The following GPR142 variants were observed in gnomAD, a reference collection of about 807,000 sequenced individuals.
The protein encoded by GPR142 is G protein-coupled receptor 142.
In GPR142, 9 loss-of-function variants were observed where a neutral mutation model predicts 10.6. The observed-to-expected ratio is 0.85, with a 90% CI of 0.51 to 1.48. GPR142 has a LOEUF of 1.48. Among genes scored for constraint, GPR142 ranks in the 40% most tolerant of loss-of-function variants. The probability of loss-of-function intolerance (pLI) is 0.00; values close to 1 mark genes in which losing one functional copy is unlikely to be tolerated. For missense variants in GPR142, 482 were observed against 506.0 expected (o/e 0.95, Z 0.45); for synonymous variants, 202 against 221.2 (o/e 0.91, Z 0.77).
chr17:74,370,245 T>A (rs1598410087), intron 2 of GPR142, among the ~76,000 whole-genome samples: 1 of 152,062 alleles, frequency 6.6e-6, no homozygotes, highest in Admixed American at 6.5e-5. Context: ...GGAGGACCCA[T>A]GGGGAGCAAT....
chr17:74,367,529 G>T lies in GPR142; in HGVS notation c.-339G>T. The T allele has an allele frequency of 6.2e-7, 1 of 1,614,108 alleles. No homozygotes were observed. The highest frequency in any genetic ancestry group is 2.2e-5 in the East Asian group (1 of 44,882). Reference sequence around the variant, plus strand: ...CAATGAGTATTATGATGTTGCCCATGGAGCAAAAGATCCAGTGGGTCCCCA... The same window carrying T: ...CAATGAGTATTATGATGTTGCCCATTGAGCAAAAGATCCAGTGGGTCCCCA... On this transcript the variant is annotated 5_prime_UTR_variant, in exon 1 of 4. An upstream start codon of the reference 5' UTR is lost. Transcript: ENST00000582579.
In GPR142 at chr17:74,370,642, C is replaced by T; in HGVS notation, c.216C>T (p.Val72=). The T allele has an allele frequency of 6.2e-7, 1 of 1,614,034 alleles. No individual in the cohort carries two copies. The highest frequency in any genetic ancestry group is 1.7e-5 in the Admixed American group (1 of 60,004). The change falls in exon 3 of 4, where the codon GTC becomes GTT. Residue 72 remains valine (V), a synonymous_variant. Coordinates refer to ENST00000582579, the MANE Select transcript of GPR142 (RefSeq NM_001331076.1). ...CGTGTGTGGCTGGCGTCATCCCTGT[C>T]ATCTACTACAGTGTCCTGCTGGGCT... The part of the protein sequence containing the change: ...RSPCVAGVIP[V]IYYSVLLGLG...
Position 74,367,673 on chromosome 17 carries a change from G to A in GPR142, c.-195G>A. 2 of 1,613,804 alleles carry A rather than the reference G, an allele frequency of 1.2e-6. No homozygotes were observed. The highest frequency in any genetic ancestry group is 1.1e-5 in the South Asian group (1 of 90,746). On this transcript the variant is annotated 5_prime_UTR_variant, in exon 1 of 4. The change abolishes the stop of an existing upstream ORF in the 5' untranslated region. Transcript: ENST00000582579. ...CTTGTCTCAGCCATTCCAGGTGGCT[G>A]AGGTCTCCACAGGTCACAGGGGGAA...
At chr17:74,368,784 G>T (rs537088819) in intron 1 of GPR142, among the ~76,000 whole-genome samples, 1 of 152,154 alleles carries the variant, frequency 6.6e-6, no homozygotes, top group Non-Finnish European at 1.5e-5. Context: ...TTGAGGGATG[G>T]TCCATTTCAC....
rs201467105 is a variant in GPR142, at chr17:74,370,604, G to A, written c.178G>A (p.Ala60Thr). Residue 60 changes from alanine (A) to threonine (T), a missense_variant, in exon 3 of 4, where the codon GCA becomes ACA. Transcript: ENST00000582579. ...QEFESHWPEI[A>T]ERSPCVAGVI... ...GTTTGAAAGCCACTGGCCAGAGATC[G>A]CAGAGAGGTCCCCGTGTGTGGCTGG... 1.3e-4 allele frequency: 204 copies of A among 1,604,800 alleles called. 1 individual carries two copies. The highest frequency in any genetic ancestry group is 6.2e-4 in the South Asian group (56 of 89,788).
chr17:74,368,515 G>A (rs1229989649), intron 1 of GPR142, among the ~76,000 whole-genome samples: 1 of 152,182 alleles, frequency 6.6e-6, no homozygotes, highest in Non-Finnish European at 1.5e-5. Flanking sequence ...GCTCTGATGT[G>A]AGATCTAACT....
intron 1 of GPR142, among the ~76,000 whole-genome samples, chr17:74,368,895 G>A (rs568621178): frequency 4.6e-5 from 7 of 152,222 alleles, no homozygotes; most frequent in Admixed American, 2.0e-4. Context: ...CCCTGTGCAC[G>A]GCTGCCTGCC....
intron 3 of GPR142, 32 bp downstream of exon 3, chr17:74,370,711 G>T (rs201590290): frequency 1.9e-5 from 31 of 1,589,880 alleles, no homozygotes; most frequent in African/African-American, 2.7e-5. Flanking sequence ...GGGGACTTGG[G>T]CTTGGCCAGA....
At chr17:74,370,984 A>G (rs1031274748) in intron 3 of GPR142, among the ~76,000 whole-genome samples, 2 of 152,082 alleles carry the variant, frequency 1.3e-5, no homozygotes, top group Non-Finnish European at 2.9e-5. Context: ...GCCTTCAGAG[A>G]GCAGAGCTTG....
In GPR142 at chr17:74,372,264, G is replaced by T; in HGVS notation, c.789G>T (p.Arg263=). The T allele has an allele frequency of 3.1e-6, 5 of 1,613,580 alleles. No individual in the cohort carries two copies. Among genetic ancestry groups the T allele is most frequent in the Non-Finnish European group, 4.2e-6 (5 of 1,179,532 alleles). The change falls in exon 4 of 4, where the codon CGG becomes CGT. Residue 263 remains arginine (R), a synonymous_variant. Coordinates refer to ENST00000582579, the MANE Select transcript of GPR142 (RefSeq NM_001331076.1). Reference sequence around the variant, plus strand: ...GGGGCCGGAGTGGGCTGCAGCCCCGGGTGGGCAAGAGCACAGCCATCCTCC... The same window carrying T: ...GGGGCCGGAGTGGGCTGCAGCCCCGTGTGGGCAAGAGCACAGCCATCCTCC... The part of the protein sequence containing the change: ...RRRGRSGLQP[R]VGKSTAILLG...
chr17:74,368,001 C>T (rs1363279986), intron 1 of GPR142, among the ~76,000 whole-genome samples: 4 of 152,186 alleles, frequency 2.6e-5, no homozygotes, highest in Non-Finnish European at 4.4e-5. Flanking sequence ...ACAAAGTGGG[C>T]TTGGCATGGT....
intron 1 of GPR142, among the ~76,000 whole-genome samples, chr17:74,368,363 C>T (rs559535410): frequency 2.0e-5 from 3 of 152,178 alleles, no homozygotes; most frequent in Non-Finnish European, 2.9e-5. Context: ...CGGGCAGCTC[C>T]GTCTCCAGTC....
intron 1 of GPR142, among the ~76,000 whole-genome samples, chr17:74,368,608 G>T (rs904309926): frequency 1.3e-5 from 2 of 152,174 alleles, no homozygotes; most frequent in Non-Finnish European, 1.5e-5. Flanking sequence ...GTGATTCCAG[G>T]GGGGCCTGAG....
intron 3 of GPR142, 146 bp downstream of exon 3, chr17:74,370,825 G>A: frequency 1.2e-6 from 1 of 802,336 alleles, no homozygotes; most frequent in Non-Finnish European, 1.9e-6. Flanking sequence ...GGTGTTCTGG[G>A]TCACTGGAGG....
At position 74,368,478 on chromosome 17, in the gene GPR142, A is replaced by G. The variant is rs868119210; in HGVS notation, c.-74+684A>G. Among the ~76,000 whole-genome samples the G allele has an allele frequency of 3.6e-3, 507 of 140,850 alleles. 5 individuals carry two copies. The highest frequency in any genetic ancestry group is 0.012 in the African/African-American group (473 of 39,004). The allele number at this position is 140,850 out of a possible 152,430, so 92.4% of individuals were successfully genotyped here. ...GCAGGGCCTGCGCTGTGAGTATCCG[A>G]GGGGGGGTTGGGATGGGGAGTTCCA... On this transcript the variant is annotated intron_variant, in intron 1 of 3. Transcript: ENST00000582579.
chr17:74,370,467 A>T (rs2055014875), intron 2 of GPR142, 54 bp from the exon 3 acceptor site: 2 of 1,547,784 alleles, frequency 1.3e-6, no homozygotes, highest in African/African-American at 2.7e-5. Context: ...GGCTGCGCCC[A>T]GCCAGGTTAG....
intron 2 of GPR142, 89 bp downstream of exon 2, chr17:74,369,723 A>G: frequency 7.4e-7 from 1 of 1,348,066 alleles, no homozygotes; most frequent in South Asian, 1.4e-5. Context: ...TAGAGGGTGG[A>G]GTAGGGGCCA....
At chr17:74,369,238 TCTC>T (rs1052816994) in intron 1 of GPR142, among the ~76,000 whole-genome samples, 5 of 152,068 alleles carry the variant, frequency 3.3e-5, no homozygotes, top group Admixed American at 6.5e-5. Context: ...TCCTGCCTCT[TCTC>T]CTCACTTCCT....
In GPR142 at chr17:74,367,853, C is replaced by G. The variant is rs949585181; in HGVS notation, c.-74+59C>G. The stretch of plus-strand genomic sequence containing the variant: ...TTGTAGCAAACTCAGTCCCCCTCCT[C>G]CATCTCTCCCTCTCCTCGCTCTGAA... On this transcript the variant is annotated intron_variant, in intron 1 of 3. Coordinates refer to ENST00000582579, the MANE Select transcript of GPR142 (RefSeq NM_001331076.1). 1.7e-5 allele frequency: 24 copies of G among 1,433,386 alleles called. No individual in the cohort carries two copies. In the African/African-American group the frequency reaches 3.3e-4, roughly 20 times the overall value. 88.8% of individuals were successfully genotyped at this position (1,433,386 alleles called of 1,614,324 possible).
Sources: allele counts gnomAD v4.1 joint callset (sites outside exome capture counted in the v4.1 genomes callset), GRCh38; gene constraint gnomAD v4.1.1; transcripts MANE v1.5; gene names NCBI Gene and HGNC (gene_info 2026-07-23, HGNC 2026-07-21).